SEMA3D: variants seen among roughly 807,000 people sequenced by gnomAD.
SEMA3D encodes semaphorin-3D.
A neutral mutation model predicts 100.1 loss-of-function variants in SEMA3D; 84 were observed. The ratio of observed to expected loss-of-function variants is 0.84; its 90% CI spans 0.70 to 1.01. The LOEUF (loss-of-function observed/expected upper bound fraction) is 1.01, where lower values mean the gene tolerates loss of function less well. Among genes scored for constraint, SEMA3D ranks in the 50% least tolerant of loss-of-function variants. The probability of loss-of-function intolerance (pLI) is 0.00; values close to 1 mark genes in which losing one functional copy is unlikely to be tolerated. For missense variants in SEMA3D, 875 were observed against 934.1 expected (o/e 0.94, Z 0.82); for synonymous variants, 312 against 320.7 (o/e 0.97, Z 0.29).
intron 1 of SEMA3D, among the ~76,000 whole-genome samples, chr7:85,163,304 A>G (rs962627339): frequency 1.3e-5 from 2 of 152,120 alleles, no homozygotes; most frequent in African/African-American, 4.8e-5. Context: ...AGAAAGTAAT[A>G]TCACCCACCA....
intron 3 of SEMA3D, among the ~76,000 whole-genome samples, chr7:85,109,203 T>G (rs1013837906): frequency 6.6e-6 from 1 of 152,056 alleles, no homozygotes; most frequent in Admixed American, 6.6e-5. Context: ...CAAGAAGAAC[T>G]TAATTTCCAG....
At chr7:85,198,968 C>T in the SEMA3D span, among the ~76,000 whole-genome samples, 2 of 150,796 alleles carry the variant, frequency 1.3e-5, no homozygotes, top group Non-Finnish European at 3.0e-5. Flanking sequence ...TACTTTATAC[C>T]AATAGTGTCT....
chr7:85,183,830 T>C (rs1032604647), intron 1 of SEMA3D, among the ~76,000 whole-genome samples: 1 of 152,184 alleles, frequency 6.6e-6, no homozygotes, highest in African/African-American at 2.4e-5. Context: ...GTAACCAGAG[T>C]GAACTACAAA....
intron 1 of SEMA3D, among the ~76,000 whole-genome samples, chr7:85,164,502 A>G (rs1457988470): frequency 6.6e-6 from 1 of 152,120 alleles, no homozygotes; most frequent in Non-Finnish European, 1.5e-5. Context: ...AAGTTCTCAT[A>G]GTCTGAGCAT....
At chr7:85,221,081 G>C in the SEMA3D span, among the ~76,000 whole-genome samples, 1 of 152,004 alleles carries the variant, frequency 6.6e-6, no homozygotes, top group Non-Finnish European at 1.5e-5. Flanking sequence ...CATGACCCCA[G>C]AACAGAAACA....
chr7:85,185,013 T>G (rs1386894860), intron 1 of SEMA3D, among the ~76,000 whole-genome samples: 1 of 152,092 alleles, frequency 6.6e-6, no homozygotes, highest in Non-Finnish European at 1.5e-5. Flanking sequence ...ATTGGAGTGA[T>G]GACATGTGTG....
chr7:85,173,142 G>C (rs1040414102), intron 1 of SEMA3D, among the ~76,000 whole-genome samples: 3 of 151,876 alleles, frequency 2.0e-5, no homozygotes, highest in African/African-American at 4.8e-5. Context: ...GAGAGAAAGA[G>C]ACAGAGAGAG....
intron 1 of SEMA3D, among the ~76,000 whole-genome samples, chr7:85,168,657 CA>C (rs1434998089): frequency 6.9e-6 from 1 of 144,808 alleles, no homozygotes; most frequent in Non-Finnish European, 1.5e-5. Context: ...ATTACTTTTG[CA>C]CCAACCTAAG....
intron 1 of SEMA3D, among the ~76,000 whole-genome samples, chr7:85,179,440 G>T (rs1287175206): frequency 6.6e-6 from 1 of 152,208 alleles, no homozygotes; most frequent in African/African-American, 2.4e-5. Flanking sequence ...AGTCAAAGGA[G>T]ATCATTTTGG....
intron 18 of SEMA3D, among the ~76,000 whole-genome samples, chr7:85,001,937 T>C (rs902516727): frequency 3.3e-5 from 5 of 152,166 alleles, no homozygotes; most frequent in Non-Finnish European, 7.4e-5. Flanking sequence ...CTTGCTTATG[T>C]TTAAATTACA....
At position 84,997,036 on chromosome 7, in the gene SEMA3D, A is replaced by C. The variant is rs1203993356; in HGVS notation, c.*2404T>G. ...TTGTGTGAAATTTTATTTTACTAAT[A>C]ATATTTTTAATATATTTTAACTAAT... is the stretch of plus-strand genomic sequence containing the variant. On this transcript the variant is annotated 3_prime_UTR_variant, in exon 19 of 19. Coordinates refer to ENST00000284136, the MANE Select transcript of SEMA3D (RefSeq NM_001384900.1). 1 of 151,738 alleles carries C rather than the reference A, an allele frequency of 6.6e-6. No individual in the cohort carries two copies. Among genetic ancestry groups the C allele is most frequent in the Non-Finnish European group, 1.5e-5 (1 of 67,830 alleles). 9.4% of individuals were successfully genotyped at this position (151,738 alleles called of 1,614,324 possible).
intron 3 of SEMA3D, among the ~76,000 whole-genome samples, chr7:85,118,490 A>T (rs1421138987): frequency 6.6e-6 from 1 of 151,768 alleles, no homozygotes; most frequent in Non-Finnish European, 1.5e-5. Flanking sequence ...AAAATTGTTG[A>T]GATTTTTTTC....
chr7:85,141,532 CA>C, intron 2 of SEMA3D: 1 of 984,842 alleles, frequency 1.0e-6, no homozygotes, highest in Non-Finnish European at 1.2e-6. Flanking sequence ...TGAATGACCA[CA>C]AAGTCTTTCT....
chr7:85,098,105 AAG>A (rs1047579352), intron 3 of SEMA3D, 140 bp from the exon 4 acceptor site: 10 of 560,680 alleles, frequency 1.8e-5, no homozygotes, highest in Non-Finnish European at 2.6e-5. Flanking sequence ...GAAAGAAAGA[AAG>A]AGAAAGAAAG....
chr7:85,199,894 C>A, the SEMA3D span, among the ~76,000 whole-genome samples: 2 of 152,024 alleles, frequency 1.3e-5, no homozygotes, highest in African/African-American at 2.4e-5. Context: ...GAGGCAGGTG[C>A]GCTGTTCTCA....
In SEMA3D at chr7:84,999,272, A is replaced by T. The variant is rs1789584791; in HGVS notation, c.*168T>A. The T allele has an allele frequency of 1.7e-6, 1 of 586,380 alleles. No homozygotes were observed. Among genetic ancestry groups the T allele is most frequent in the African/African-American group, 1.9e-5 (1 of 53,986 alleles). The allele number at this position is 586,380 out of a possible 1,614,324, so 36.3% of individuals were successfully genotyped here. A position where few individuals can be genotyped will look rare whatever the true frequency, so the allele number is the denominator to read the frequency against. On this transcript the variant is annotated 3_prime_UTR_variant, in exon 19 of 19. Transcript: ENST00000284136. Reference sequence around the variant, plus strand: ...GTTCTTGGAAAACTGGTTCAAATGAATTTTTTGCCCTTTCTTATATTCATC... The same window carrying T: ...GTTCTTGGAAAACTGGTTCAAATGATTTTTTTGCCCTTTCTTATATTCATC...
rs1789810009 is a variant in SEMA3D at position 85,006,814 on chromosome 7, C to T, written c.1896G>A (p.Glu632=). Residue 632 remains glutamate (E), a synonymous_variant, in exon 18 of 19, where the codon GAG becomes GAA. Coordinates refer to ENST00000284136, the MANE Select transcript of SEMA3D (RefSeq NM_001384900.1). ...IKWYIQRSGD[E]HREELKPDER... Reference sequence around the variant, plus strand: ...GACAACAGCTTACCTCCTCTCGATGCTCATCCCCTGACCTCTGGATATACC... The same window carrying T: ...GACAACAGCTTACCTCCTCTCGATGTTCATCCCCTGACCTCTGGATATACC... The T allele has an allele frequency of 7.5e-6, 12 of 1,592,394 alleles. No homozygotes were observed. The Middle Eastern group carries it at 5.0e-4, about 67-fold the overall frequency.
intron 9 of SEMA3D, among the ~76,000 whole-genome samples, chr7:85,046,100 T>C (rs1284565657): frequency 6.6e-6 from 1 of 151,994 alleles, no homozygotes; most frequent in Non-Finnish European, 1.5e-5. Flanking sequence ...CATCACAGAA[T>C]ATATGCTGAA....
rs549736728 is a variant in SEMA3D at position 85,083,592 on chromosome 7, C to A, written c.313-2013G>T. On this transcript the variant is annotated intron_variant, in intron 4 of 18. Transcript: ENST00000284136. Reference sequence around the variant, plus strand: ...GGGCGCGGTGGCTCACGCCTGTAATCCCAGCATTTTGGGAGGCCGAGGCGG... The same window carrying A: ...GGGCGCGGTGGCTCACGCCTGTAATACCAGCATTTTGGGAGGCCGAGGCGG... 2.2e-4 allele frequency among the ~76,000 whole-genome samples: 34 copies of A among 152,194 alleles called. No homozygotes were observed. In the East Asian group the frequency reaches 6.2e-3, roughly 28 times the overall value.
Sources: gnomAD v4.1 joint callset for allele counts (sites outside exome capture counted in the v4.1 genomes callset) on GRCh38, gnomAD v4.1.1 for gene constraint, MANE v1.5 for transcripts, NCBI Gene and HGNC (gene_info 2026-07-23, HGNC 2026-07-21) for gene names.